The following GALNT18 variants were observed in gnomAD, a reference collection of about 807,000 sequenced individuals.
GALNT18 encodes polypeptide N-acetylgalactosaminyltransferase 18.
A neutral mutation model predicts 69.5 loss-of-function variants in GALNT18; 44 were observed. The ratio of observed to expected loss-of-function variants is 0.63; its 90% CI spans 0.50 to 0.81. The LOEUF (loss-of-function observed/expected upper bound fraction) is 0.81, where lower values mean the gene tolerates loss of function less well. Among genes scored for constraint, GALNT18 ranks in the 40% least tolerant of loss-of-function variants. GALNT18 has a pLI of 0.00. For missense variants in GALNT18, 715 were observed against 810.0 expected, an observed-to-expected ratio of 0.88 and a Z score of 1.42; for synonymous variants, 364 against 318.2, an observed-to-expected ratio of 1.14 and a Z score of -1.53.
At chr11:11,345,521 G>T (rs1032745373) in intron 6 of GALNT18, among the ~76,000 whole-genome samples, 22 of 152,186 alleles carry the variant, frequency 1.4e-4, no homozygotes, top group African/African-American at 5.3e-4. Flanking sequence ...TTCTGTGGAG[G>T]ATTGGGAGGG....
chr11:11,440,205 C>A (rs1242586688), intron 2 of GALNT18, among the ~76,000 whole-genome samples: 1 of 152,132 alleles, frequency 6.6e-6, no homozygotes, highest in African/African-American at 2.4e-5. Context: ...AATAGGAAAT[C>A]AGGAAAGAGA....
intron 6 of GALNT18, among the ~76,000 whole-genome samples, chr11:11,348,371 T>A (rs1201800711): frequency 1.4e-5 from 2 of 142,464 alleles, no homozygotes; most frequent in African/African-American, 5.4e-5. Flanking sequence ...AGAGCAAGAC[T>A]TCGTCTCAGG....
rs1394845132 is a variant in GALNT18 at position 11,614,837 on chromosome 11, ATTTAT to A, written c.235+6517_235+6521del. On this transcript the variant is annotated intron_variant, in intron 1 of 10. Coordinates refer to ENST00000227756, the MANE Select transcript of GALNT18 (RefSeq NM_198516.3). This position sits in a 1 kb window ranked among gnomAD's most constrained non-coding sequence, Gnocchi z 5.6. ...ACCTACTTATCAAGGGAAAATAACA[ATTTAT>A]GTCAAGTGAGTGGGAAAGAATGTGG... Among the ~76,000 whole-genome samples, 1 of 152,182 alleles carries A rather than the reference ATTTAT, an allele frequency of 6.6e-6. No homozygotes were observed. The highest frequency in any genetic ancestry group is 1.5e-5 in the Non-Finnish European group (1 of 68,036).
chr11:11,301,294 A>C (rs1380266198), intron 9 of GALNT18, among the ~76,000 whole-genome samples: 2 of 152,164 alleles, frequency 1.3e-5, no homozygotes, highest in Non-Finnish European at 2.9e-5. Context: ...GACATCCAGA[A>C]TGTGTATTAG....
At chr11:11,456,082 C>G (rs1027981954) in intron 1 of GALNT18, among the ~76,000 whole-genome samples, 5 of 152,160 alleles carry the variant, frequency 3.3e-5, no homozygotes, top group African/African-American at 9.7e-5. Flanking sequence ...CTGTCTCAAA[C>G]AAAAGAAACA....
intron 1 of GALNT18, among the ~76,000 whole-genome samples, chr11:11,530,034 C>A (rs1235837835): frequency 6.6e-6 from 1 of 152,172 alleles, no homozygotes; most frequent in Admixed American, 6.5e-5. Context: ...TCCCACCTAG[C>A]AGCTTTGCTT....
At chr11:11,599,407 T>G (rs1026573867) in intron 1 of GALNT18, among the ~76,000 whole-genome samples, 5 of 152,060 alleles carry the variant, frequency 3.3e-5, no homozygotes, top group Admixed American at 1.3e-4. Flanking sequence ...TGATATTAAA[T>G]ATAGCCCCTC....
At position 11,620,097 on chromosome 11, in the gene GALNT18, T is replaced by A. The variant is rs569249223; in HGVS notation, c.235+1262A>T. Reference sequence around the variant, plus strand: ...GAGCAGCAGGTGCAAGGATTGGAATTCAGACATCCACGTGTAAACAAAAGG... The same window carrying A: ...GAGCAGCAGGTGCAAGGATTGGAATACAGACATCCACGTGTAAACAAAAGG... On this transcript the variant is annotated intron_variant, in intron 1 of 10. Coordinates refer to ENST00000227756, the MANE Select transcript of GALNT18 (RefSeq NM_198516.3). The surrounding 1 kb of genome is among the most constrained non-coding windows in gnomAD (Gnocchi z 6.9). 3.6e-4 allele frequency among the ~76,000 whole-genome samples: 51 copies of A among 141,192 alleles called. No homozygotes were observed. The South Asian group carries it at 8.8e-3, about 24-fold the overall frequency. 92.6% of individuals were successfully genotyped at this position (141,192 alleles called of 152,430 possible).
rs1859616627 is a variant in GALNT18 at position 11,600,884 on chromosome 11, T to C, written c.235+20475A>G. 2.0e-5 allele frequency among the ~76,000 whole-genome samples: 3 copies of C among 152,166 alleles called. No homozygotes were observed. Among genetic ancestry groups the C allele is most frequent in the Admixed American group, 2.0e-4 (3 of 15,270 alleles). On this transcript the variant is annotated intron_variant, in intron 1 of 10. Transcript: ENST00000227756. The surrounding 1 kb of genome is among the most constrained non-coding windows in gnomAD (Gnocchi z 4.8). ...AATCTCTATTGATCTATCTTCAAAT[T>C]TGCTGATACTTTCTTCTGCCAACTC... is the stretch of plus-strand genomic sequence containing the variant.
intron 10 of GALNT18, among the ~76,000 whole-genome samples, chr11:11,272,956 G>A (rs1007643809): frequency 6.6e-6 from 1 of 152,194 alleles, no homozygotes; most frequent in Admixed American, 6.5e-5. Flanking sequence ...GGAAAGGACA[G>A]TCTTTTCAAT....
intron 9 of GALNT18, among the ~76,000 whole-genome samples, chr11:11,308,446 C>T (rs1849615144): frequency 6.6e-6 from 1 of 152,146 alleles, no homozygotes. Context: ...CCCTTCCTTG[C>T]CCTCCCTCCT....
rs1245408131 is a variant in GALNT18 at position 11,592,883 on chromosome 11, GT to G, written c.235+28475del. Among the ~76,000 whole-genome samples the G allele has an allele frequency of 1.3e-5, 2 of 152,070 alleles. No homozygotes were observed. The highest frequency in any genetic ancestry group is 2.9e-5 in the Non-Finnish European group (2 of 68,016). On this transcript the variant is annotated intron_variant, in intron 1 of 10. Coordinates refer to ENST00000227756, the MANE Select transcript of GALNT18 (RefSeq NM_198516.3). The surrounding 1 kb of genome is among the most constrained non-coding windows in gnomAD (Gnocchi z 5.9). Reference sequence around the variant, plus strand: ...CTTTCTTGTAGATAAAATGCTAAGGGTCAGACCAGAACAGAGGACGCCCATG... The same window carrying G: ...CTTTCTTGTAGATAAAATGCTAAGGGCAGACCAGAACAGAGGACGCCCATG...
chr11:11,569,399 TG>T (rs1232552405), intron 1 of GALNT18, among the ~76,000 whole-genome samples: 1 of 152,170 alleles, frequency 6.6e-6, no homozygotes, highest in African/African-American at 2.4e-5. Flanking sequence ...AAAGGTTCTT[TG>T]GAGTGAGATT....
At position 11,551,693 on chromosome 11, in the gene GALNT18, C is replaced by A. The variant is rs115839117; in HGVS notation, c.235+69666G>T. Among the ~76,000 whole-genome samples, 14 of 152,316 alleles carry A rather than the reference C, an allele frequency of 9.2e-5. No individual in the cohort carries two copies. The South Asian group carries it at 1.7e-3, about 18-fold the overall frequency. On this transcript the variant is annotated intron_variant, in intron 1 of 10. Transcript: ENST00000227756. Reference sequence around the variant, plus strand: ...AACTTTAGAAAGGAAAATTGTCTCACGCTTCCATGTGAAGAGACCACCAAA... The same window carrying A: ...AACTTTAGAAAGGAAAATTGTCTCAAGCTTCCATGTGAAGAGACCACCAAA...
intron 1 of GALNT18, among the ~76,000 whole-genome samples, chr11:11,519,992 C>T (rs1174236673): frequency 6.6e-6 from 1 of 152,214 alleles, no homozygotes; most frequent in Non-Finnish European, 1.5e-5. Flanking sequence ...CGGAAGAGGT[C>T]ACCAAAGGAG....
intron 3 of GALNT18, among the ~76,000 whole-genome samples, chr11:11,385,335 G>A (rs1471857445): frequency 5.4e-5 from 8 of 147,466 alleles, no homozygotes; most frequent in South Asian, 2.1e-4. Context: ...TCGCTCTGTT[G>A]CCCAGGATGG....
intron 3 of GALNT18, among the ~76,000 whole-genome samples, chr11:11,384,089 A>C (rs375844773): frequency 6.6e-6 from 1 of 152,056 alleles, no homozygotes; most frequent in Non-Finnish European, 1.5e-5. Context: ...TCATACCTCA[A>C]CAAGGTACTA....
intron 3 of GALNT18, among the ~76,000 whole-genome samples, chr11:11,388,274 C>T (rs1423091603): frequency 2.6e-5 from 4 of 152,114 alleles, no homozygotes; most frequent in Admixed American, 1.3e-4. Flanking sequence ...TTAGCGGGGT[C>T]GCCAAAGCCA....
At chr11:11,530,258 A>G (rs1262187434) in intron 1 of GALNT18, among the ~76,000 whole-genome samples, 1 of 152,170 alleles carries the variant, frequency 6.6e-6, no homozygotes, top group Non-Finnish European at 1.5e-5. Context: ...CATGCACTTA[A>G]TAACTTAAGG....
Sources: allele counts gnomAD v4.1 joint callset (sites outside exome capture counted in the v4.1 genomes callset), GRCh38; gene constraint gnomAD v4.1.1; non-coding constraint Gnocchi (gnomAD v3.1); transcripts MANE v1.5; gene names NCBI Gene and HGNC (gene_info 2026-07-23, HGNC 2026-07-21).